TMEM272: variants seen among roughly 807,000 people sequenced by gnomAD.
The protein encoded by TMEM272 is transmembrane protein 272.
A neutral mutation model predicts 3.7 loss-of-function variants in TMEM272; 8 were observed. The observed-to-expected ratio is 2.17, with a 90% CI of 1.27 to 3.91. TMEM272 has a LOEUF of 3.91. Ranked by LOEUF, TMEM272 falls within the 30% of genes most tolerant of loss-of-function variation. The pLI, the probability that TMEM272 is intolerant of heterozygous loss-of-function variation, is 0.00. For missense variants in TMEM272, 166 were observed against 91.5 expected, an observed-to-expected ratio of 1.81 and a Z score of -3.32; for synonymous variants, 63 against 39.8, an observed-to-expected ratio of 1.58 and a Z score of -2.20.
At chr13:51,922,921 C>T in the TMEM272 span, among the ~76,000 whole-genome samples, 1 of 152,196 alleles carries the variant, frequency 6.6e-6, no homozygotes. Flanking sequence ...CTGGGGCCAC[C>T]CACATGGTCC....
the TMEM272 span, among the ~76,000 whole-genome samples, chr13:51,917,318 T>TG: frequency 6.6e-6 from 1 of 152,104 alleles, no homozygotes; most frequent in Non-Finnish European, 1.5e-5. Context: ...AGTAAAAGAC[T>TG]GGGGGTAGCT....
At position 51,826,586 on chromosome 13, in the gene TMEM272, G is replaced by C; in HGVS notation, c.98C>G (p.Pro33Arg). ...VVVLCAFLAL[P>R]LSMTFIGMKF... ...CTTACCTATGAAGGTCATGGACAGC[G>C]GCAGAGCCAGGAAAGCACAGAGCAC... The change falls in exon 3 of 5, where the codon CCG becomes CGG. Residue 33 changes from proline (P) to arginine (R), a missense_variant. Pro to Arg is a moderately radical substitution (Grantham distance 103, BLOSUM62 -2). Transcript: ENST00000629372. The C allele has an allele frequency of 1.4e-6, 1 of 702,564 alleles. No individual in the cohort carries two copies. Among genetic ancestry groups the C allele is most frequent in the South Asian group, 1.5e-5 (1 of 67,594 alleles). 43.5% of individuals were successfully genotyped at this position (702,564 alleles called of 1,614,324 possible).
At chr13:51,875,204 G>A in the TMEM272 span, among the ~76,000 whole-genome samples, 1 of 152,172 alleles carries the variant, frequency 6.6e-6, no homozygotes, top group African/African-American at 2.4e-5. Flanking sequence ...CCAGTGAAGT[G>A]GTGCTAGTAT....
At chr13:51,889,614 A>G in the TMEM272 span, among the ~76,000 whole-genome samples, 1 of 150,176 alleles carries the variant, frequency 6.7e-6, no homozygotes, top group African/African-American at 2.5e-5. Context: ...ACCCAATCCG[A>G]TTTGTTTTTT....
chr13:51,933,830 G>A, the TMEM272 span: 1 of 152,156 alleles, frequency 6.6e-6, no homozygotes, highest in African/African-American at 2.4e-5. Context: ...TTTCCCATGG[G>A]GCAAACGTTT....
chr13:51,880,723 G>A, the TMEM272 span, among the ~76,000 whole-genome samples: 1 of 152,188 alleles, frequency 6.6e-6, no homozygotes, highest in Admixed American at 6.5e-5. Flanking sequence ...ATTTTTGAAT[G>A]TGGGCAGCAG....
chr13:51,826,446 G>T, intron 3 of TMEM272, 120 bp downstream of exon 3: 1 of 647,534 alleles, frequency 1.5e-6, no homozygotes, highest in South Asian at 1.7e-5. Context: ...AGGTGTCTGG[G>T]AATCATCGGG....
chr13:51,853,283 G>C, the TMEM272 span, among the ~76,000 whole-genome samples: 14 of 152,200 alleles, frequency 9.2e-5, no homozygotes, highest in African/African-American at 3.4e-4. Flanking sequence ...CGTGGCGCAT[G>C]CCAGTAGTCC....
At chr13:51,920,857 G>C in the TMEM272 span, among the ~76,000 whole-genome samples, 1 of 152,174 alleles carries the variant, frequency 6.6e-6, no homozygotes, top group East Asian at 1.9e-4. Context: ...AATTGCGACA[G>C]TCACCTAATG....
At chr13:51,904,916 C>T in the TMEM272 span, among the ~76,000 whole-genome samples, 1 of 152,126 alleles carries the variant, frequency 6.6e-6, no homozygotes, top group Admixed American at 6.5e-5. Context: ...TGTTTCTTAA[C>T]CTCATTAGTA....
the TMEM272 span, among the ~76,000 whole-genome samples, chr13:51,906,460 T>C: frequency 6.6e-6 from 1 of 152,216 alleles, no homozygotes; most frequent in African/African-American, 2.4e-5. Context: ...CACAGGTGAC[T>C]GTGAGAACAA....
the TMEM272 span, among the ~76,000 whole-genome samples, chr13:51,884,416 T>C: frequency 1.4e-4 from 22 of 152,240 alleles, no homozygotes; most frequent in African/African-American, 5.3e-4. Flanking sequence ...TTTGCAAATA[T>C]TATATTTCAT....
chr13:51,911,042 C>A, the TMEM272 span, among the ~76,000 whole-genome samples: 3 of 152,136 alleles, frequency 2.0e-5, no homozygotes, highest in Non-Finnish European at 4.4e-5. Context: ...TGTTTTAAGT[C>A]GCTAAGCTTT....
At chr13:51,873,534 G>A in the TMEM272 span, among the ~76,000 whole-genome samples, 5 of 152,150 alleles carry the variant, frequency 3.3e-5, no homozygotes, top group Admixed American at 6.5e-5. Flanking sequence ...GGAATCAACC[G>A]GAGGGCTTGT....
the TMEM272 span, among the ~76,000 whole-genome samples, chr13:51,855,491 A>T: frequency 6.6e-6 from 1 of 152,314 alleles, no homozygotes; most frequent in Non-Finnish European, 1.5e-5. Flanking sequence ...CCACAGATGA[A>T]CTGGATCTTG....
At chr13:51,823,647 G>A (rs1474870939) in intron 3 of TMEM272, among the ~76,000 whole-genome samples, 1 of 152,242 alleles carries the variant, frequency 6.6e-6, no homozygotes, top group Non-Finnish European at 1.5e-5. Context: ...TAACACATCT[G>A]TCAACAGAGT....
chr13:51,883,385 G>A, the TMEM272 span, among the ~76,000 whole-genome samples: 2 of 152,332 alleles, frequency 1.3e-5, no homozygotes, highest in South Asian at 4.1e-4. Context: ...ATCGAAGAGT[G>A]AGCAAGACAG....
At chr13:51,822,518 C>T (rs1956088850) in intron 3 of TMEM272, among the ~76,000 whole-genome samples, 1 of 152,164 alleles carries the variant, frequency 6.6e-6, no homozygotes, top group Non-Finnish European at 1.5e-5. Flanking sequence ...TCTTGATATG[C>T]TTAAAATAAG....
At chr13:51,855,962 C>T in the TMEM272 span, among the ~76,000 whole-genome samples, 4 of 152,158 alleles carry the variant, frequency 2.6e-5, no homozygotes, top group South Asian at 4.1e-4. Context: ...AAAATCAATT[C>T]ACTGAGACCA....
Sources: allele counts gnomAD v4.1 joint callset (sites outside exome capture counted in the v4.1 genomes callset), GRCh38; gene constraint gnomAD v4.1.1; transcripts MANE v1.5; gene names NCBI Gene and HGNC (gene_info 2026-07-23, HGNC 2026-07-21).